Variants in ATP6V1A observed in about 807,000 individuals in gnomAD.
ATP6V1A encodes the protein V-type proton ATPase catalytic subunit A.
Under a neutral mutation model 70.1 loss-of-function variants are expected in ATP6V1A, and 18 were observed. The ratio of observed to expected loss-of-function variants is 0.26; its 90% CI spans 0.18 to 0.38. The LOEUF (loss-of-function observed/expected upper bound fraction) is 0.38, where lower values mean the gene tolerates loss of function less well. Ranked by LOEUF, ATP6V1A falls within the 10% of genes least tolerant of loss-of-function variation. The pLI, the probability that ATP6V1A is intolerant of heterozygous loss-of-function variation, is 1.00. For synonymous variants in ATP6V1A, 232 were observed against 253.8 expected (o/e 0.91, Z 0.82); for missense variants, 424 against 772.4 (o/e 0.55, Z 5.35).
intron 1 of ATP6V1A, among the ~76,000 whole-genome samples, chr3:113,748,384 G>A (rs1225798369): frequency 6.6e-6 from 1 of 152,022 alleles, no homozygotes. Context: ...TTCAATTGAA[G>A]GTCTTACGAA....
intron 1 of ATP6V1A, among the ~76,000 whole-genome samples, chr3:113,756,114 A>T (rs1362235407): frequency 6.6e-6 from 1 of 152,178 alleles, no homozygotes; most frequent in Non-Finnish European, 1.5e-5. Context: ...AAATGAGGAA[A>T]ACTAGGCACG....
intron 1 of ATP6V1A, among the ~76,000 whole-genome samples, chr3:113,753,828 T>G (rs963285789): frequency 2.6e-5 from 4 of 151,974 alleles, no homozygotes; most frequent in Non-Finnish European, 5.9e-5. Flanking sequence ...CCAGAGTAGC[T>G]GGGGCTACAG....
intron 1 of ATP6V1A, among the ~76,000 whole-genome samples, chr3:113,773,657 T>C (rs1279084799): frequency 1.3e-5 from 2 of 152,216 alleles, no homozygotes; most frequent in African/African-American, 2.4e-5. Context: ...GACATCATTA[T>C]TCCCTCATAA....
Position 113,782,574 on chromosome 3 carries a change from G to GTATATATATACACATATATATA in ATP6V1A, c.211+1403_211+1424dup, listed in dbSNP as rs1708990587. ...TATATATACATGTGTATATATATAC[G>GTATATATATACACATATATATA]TATATATATACACATATATATATAT... On this transcript the variant is annotated intron_variant, in intron 3 of 14. Transcript: ENST00000273398. Among the ~76,000 whole-genome samples, 13 of 135,092 alleles carry GTATATATATACACATATATATA rather than the reference G, an allele frequency of 9.6e-5. No homozygotes were observed. The South Asian group carries it at 2.4e-3, about 24-fold the overall frequency. 88.6% of individuals were successfully genotyped at this position (135,092 alleles called of 152,430 possible). A position where few individuals can be genotyped will look rare whatever the true frequency, so the allele number is the denominator to read the frequency against.
chr3:113,791,143 T>C (rs1443775474), intron 8 of ATP6V1A, among the ~76,000 whole-genome samples: 1 of 152,176 alleles, frequency 6.6e-6, no homozygotes, highest in Non-Finnish European at 1.5e-5. Flanking sequence ...TCATTATGGC[T>C]GTCTTCTTCA....
chr3:113,796,888 G>T (rs1286867467), intron 11 of ATP6V1A, among the ~76,000 whole-genome samples: 1 of 152,170 alleles, frequency 6.6e-6, no homozygotes, highest in East Asian at 1.9e-4. Flanking sequence ...TGTTGGATTG[G>T]CCCTGTGAAT....
intron 3 of ATP6V1A, among the ~76,000 whole-genome samples, chr3:113,783,674 T>A (rs1709006529): frequency 6.6e-6 from 1 of 152,212 alleles, no homozygotes; most frequent in African/African-American, 2.4e-5. Context: ...TTAGACATAT[T>A]GTCAGACACC....
chr3:113,755,774 A>G lies in ATP6V1A; in HGVS notation c.-14+8661A>G, dbSNP rs1268696295. On this transcript the variant is annotated intron_variant, in intron 1 of 14. Transcript: ENST00000273398. ...AATATGGTAAAATTTATATATTCAT[A>G]CAAGTGTGTTTTCTCTCCCCTCATC... 2.6e-5 allele frequency among the ~76,000 whole-genome samples: 4 copies of G among 152,328 alleles called. No individual in the cohort carries two copies. In the South Asian group the frequency reaches 6.2e-4, roughly 24 times the overall value.
chr3:113,764,905 G>A (rs1708751262), intron 1 of ATP6V1A, among the ~76,000 whole-genome samples: 2 of 151,322 alleles, frequency 1.3e-5, no homozygotes, highest in African/African-American at 4.9e-5. Context: ...CCTGGAGGTG[G>A]AGGTTACAGT....
intron 1 of ATP6V1A, among the ~76,000 whole-genome samples, chr3:113,758,091 C>G (rs984219172): frequency 2.6e-5 from 4 of 152,066 alleles, no homozygotes; most frequent in African/African-American, 9.7e-5. Context: ...TTGCAGTGAG[C>G]TGAGATCACA....
At chr3:113,795,261 A>T (rs559656616) in intron 10 of ATP6V1A, 57 bp downstream of exon 10, 3 of 1,533,224 alleles carry the variant, frequency 2.0e-6, no homozygotes, top group South Asian at 1.2e-5. Context: ...TGTATTAAAG[A>T]GAGAAAAAAA....
chr3:113,754,395 C>T (rs1009337203), intron 1 of ATP6V1A, among the ~76,000 whole-genome samples: 1 of 151,868 alleles, frequency 6.6e-6, no homozygotes, highest in Non-Finnish European at 1.5e-5. Flanking sequence ...TATTTGGGCA[C>T]GATGGCATGC....
chr3:113,793,815 CCT>C (rs1278624337), intron 8 of ATP6V1A, among the ~76,000 whole-genome samples: 1 of 152,020 alleles, frequency 6.6e-6, no homozygotes, highest in African/African-American at 2.4e-5. Flanking sequence ...CTTATATAAA[CCT>C]CTGTTTCTTT....
chr3:113,801,637 C>T (rs1167852123), intron 12 of ATP6V1A, among the ~76,000 whole-genome samples: 1 of 152,036 alleles, frequency 6.6e-6, no homozygotes, highest in Non-Finnish European at 1.5e-5. Context: ...ATCTGAATGT[C>T]CTCTACTGTG....
chr3:113,780,714 T>G, intron 2 of ATP6V1A: 1 of 1,281,842 alleles, frequency 7.8e-7, no homozygotes, highest in Non-Finnish European at 1.0e-6. Flanking sequence ...TTTAAAAGTT[T>G]TTTTTATTGT....
At chr3:113,794,295 A>G (rs1217358363) in intron 8 of ATP6V1A, among the ~76,000 whole-genome samples, 1 of 152,216 alleles carries the variant, frequency 6.6e-6, no homozygotes, top group Non-Finnish European at 1.5e-5. Flanking sequence ...TGTATGTGAT[A>G]TATAGAGAGA....
chr3:113,751,556 A>C (rs1479560928), intron 1 of ATP6V1A, among the ~76,000 whole-genome samples: 1 of 151,874 alleles, frequency 6.6e-6, no homozygotes, highest in African/African-American at 2.4e-5. Context: ...AAATGTGAGC[A>C]ATAAAAATGT....
At chr3:113,748,976 G>A (rs1352793678) in intron 1 of ATP6V1A, among the ~76,000 whole-genome samples, 1 of 152,136 alleles carries the variant, frequency 6.6e-6, no homozygotes, top group Non-Finnish European at 1.5e-5. Flanking sequence ...ATTGCACCAC[G>A]TAAGGAGAAT....
chr3:113,765,132 G>A (rs9811353), intron 1 of ATP6V1A, among the ~76,000 whole-genome samples: 50,275 of 151,748 alleles, frequency 0.33, 8,470 homozygotes, highest in East Asian at 0.36. Flanking sequence ...AAGTTGTATC[G>A]AGTCTGTGGG....
Sources: gnomAD v4.1 joint callset for allele counts (sites outside exome capture counted in the v4.1 genomes callset) on GRCh38, gnomAD v4.1.1 for gene constraint, MANE v1.5 for transcripts, NCBI Gene and HGNC (gene_info 2026-07-23, HGNC 2026-07-21) for gene names.